SORBS2: variants seen among roughly 807,000 people sequenced by gnomAD.
SORBS2 encodes the protein sorbin and SH3 domain-containing protein 2.
SORBS2 carries 46 observed loss-of-function variants against 97.7 expected under a neutral mutation model. That is an observed-to-expected ratio of 0.47 (90% CI 0.37 to 0.60). The LOEUF is 0.60. Ranked by LOEUF, SORBS2 falls within the 20% of genes least tolerant of loss-of-function variation. SORBS2 has a pLI of 0.00. For missense variants in SORBS2, 1,316 were observed against 1,282.3 expected, an observed-to-expected ratio of 1.03 and a Z score of -0.40; for synonymous variants, 476 against 473.4, an observed-to-expected ratio of 1.01 and a Z score of -0.07.
At chr4:185,903,311 T>G (rs1054380615) in intron 1 of SORBS2, among the ~76,000 whole-genome samples, 2 of 152,184 alleles carry the variant, frequency 1.3e-5, no homozygotes, top group African/African-American at 4.8e-5. Flanking sequence ...AGATAATAAA[T>G]GTAAAGCATG....
rs1461198120 is a variant in SORBS2, at chr4:185,623,264, G to A, written c.1865C>T (p.Thr622Ile). Residue 622 changes from threonine to isoleucine, a missense_variant, in exon 7 of 15, where the codon ACT becomes ATT. Coordinates refer to ENST00000418609, the Ensembl canonical transcript of SORBS2. This position sits in a 1 kb window ranked among gnomAD's most constrained non-coding sequence, Gnocchi z 6.4. ...AGATGCTTTACATTTTGCCTTTTCA[G>A]TCTGTTTCTTAGGAGCCGAATTTTT... The A allele has an allele frequency of 1.9e-6, 3 of 1,614,030 alleles. No homozygotes were observed. Among genetic ancestry groups the A allele is most frequent in the Non-Finnish European group, 1.7e-6 (2 of 1,180,044 alleles).
rs534553017 is a variant in SORBS2 at position 185,874,540 on chromosome 4, T to C, written c.-338+81656A>G. On this transcript the variant is annotated intron_variant, in intron 1 of 20. Transcript: ENST00000284776. ...ACTTATGATTTCCAAATTTCTGTTG[T>C]AATTGACAAAATGCATTTTTAAGGT... is the stretch of plus-strand genomic sequence containing the variant. Among the ~76,000 whole-genome samples the C allele has an allele frequency of 4.2e-4, 64 of 152,346 alleles. No individual in the cohort carries two copies. The East Asian group carries it at 8.7e-3, about 21-fold the overall frequency.
At chr4:185,812,853 A>T (rs961687778) in intron 1 of SORBS2, 4 of 152,248 alleles carry the variant, frequency 2.6e-5, no homozygotes, top group Admixed American at 1.3e-4. Context: ...CTTCTACGGC[A>T]GAAAATGATT....
intron 2 of SORBS2, among the ~76,000 whole-genome samples, chr4:185,758,991 G>A (rs2098847242): frequency 6.6e-6 from 1 of 152,150 alleles, no homozygotes; most frequent in African/African-American, 2.4e-5. Flanking sequence ...ACCTTTTACT[G>A]TGTGTTCTGC....
At chr4:185,739,423 T>C (rs1413967777) in intron 2 of SORBS2, among the ~76,000 whole-genome samples, 1 of 152,216 alleles carries the variant, frequency 6.6e-6, no homozygotes, top group Non-Finnish European at 1.5e-5. Flanking sequence ...AAACTTAACA[T>C]TGGGCAACTT....
intron 12 of SORBS2, among the ~76,000 whole-genome samples, chr4:185,608,040 A>G (rs1021136460): frequency 2.6e-5 from 4 of 152,176 alleles, no homozygotes; most frequent in African/African-American, 4.8e-5. Context: ...AAAAGATATT[A>G]CAGGTTTCCA....
intron 2 of SORBS2, among the ~76,000 whole-genome samples, chr4:185,704,818 G>A (rs2098319537): frequency 6.6e-6 from 1 of 152,194 alleles, no homozygotes; most frequent in Non-Finnish European, 1.5e-5. Flanking sequence ...TGAAAGATAA[G>A]CATTTCTAGT....
chr4:185,777,946 T>C (rs1269887990), intron 1 of SORBS2, among the ~76,000 whole-genome samples: 1 of 152,206 alleles, frequency 6.6e-6, no homozygotes, highest in Non-Finnish European at 1.5e-5. Context: ...TAAAAATAGA[T>C]TAATGTTGTC....
chr4:185,925,411 T>G (rs934405339), intron 1 of SORBS2, among the ~76,000 whole-genome samples: 1 of 151,968 alleles, frequency 6.6e-6, no homozygotes, highest in African/African-American at 2.4e-5. Flanking sequence ...AATAGCACAT[T>G]TTTTTTCTAA....
At chr4:185,897,162 T>G (rs2099245449) in intron 1 of SORBS2, among the ~76,000 whole-genome samples, 1 of 152,158 alleles carries the variant, frequency 6.6e-6, no homozygotes, top group Admixed American at 6.5e-5. Flanking sequence ...CACAACCCCT[T>G]TGCCCCAGAG....
At chr4:185,738,657 T>C (rs2098703615) in intron 2 of SORBS2, among the ~76,000 whole-genome samples, 1 of 152,248 alleles carries the variant, frequency 6.6e-6, no homozygotes, top group Admixed American at 6.5e-5. Context: ...ACTTGCTCTA[T>C]CAGATTAAAC....
In SORBS2 at chr4:185,951,504, C is replaced by G. The variant is rs1458936292; in HGVS notation, c.-338+4692G>C. 3.9e-5 allele frequency among the ~76,000 whole-genome samples: 6 copies of G among 152,196 alleles called. No homozygotes were observed. In the East Asian group the frequency reaches 1.2e-3, roughly 29 times the overall value. ...GCAGATACTTCTGGTGTCCTTTGTACCTTTCTCAACAGCCCTCCCTGACAT... is the reference window on the plus strand; with the variant it reads ...GCAGATACTTCTGGTGTCCTTTGTAGCTTTCTCAACAGCCCTCCCTGACAT... On this transcript the variant is annotated intron_variant, in intron 1 of 20. Coordinates refer to the SORBS2 transcript ENST00000284776.
At chr4:185,795,508 G>A (rs2099100725) in intron 1 of SORBS2, among the ~76,000 whole-genome samples, 1 of 152,032 alleles carries the variant, frequency 6.6e-6, no homozygotes, top group South Asian at 2.1e-4. Context: ...GTGGCTCCCG[G>A]GCACCTGCCT....
chr4:185,621,844 A>C (rs1405921637), intron 7 of SORBS2, among the ~76,000 whole-genome samples: 1 of 152,084 alleles, frequency 6.6e-6, no homozygotes, highest in Non-Finnish European at 1.5e-5. Context: ...CCTTGGACGA[A>C]TTTCCTTTCC....
At chr4:185,659,588 T>G (rs2097481100), upstream of SORBS2, among the ~76,000 whole-genome samples, 1 of 151,450 alleles carries the variant, frequency 6.6e-6, no homozygotes, top group Admixed American at 6.6e-5. Flanking sequence ...AGCTAATTTT[T>G]TTTTTTGTAT....
intron 2 of SORBS2, among the ~76,000 whole-genome samples, chr4:185,737,776 A>G (rs138744089): frequency 2.6e-5 from 4 of 152,338 alleles, no homozygotes; most frequent in Non-Finnish European, 4.4e-5. Flanking sequence ...CCGTCTAAAG[A>G]TCGAGACCTC....
intron 2 of SORBS2, among the ~76,000 whole-genome samples, chr4:185,769,131 T>C (rs764950691): frequency 6.6e-6 from 1 of 151,860 alleles, no homozygotes; most frequent in African/African-American, 2.4e-5. Context: ...CAAAGGCACA[T>C]GGGAGACTGG....
chr4:185,646,878 T>A, intron 3 of SORBS2, 96 bp from the exon 13 acceptor site: 3 of 719,486 alleles, frequency 4.2e-6, no homozygotes, highest in Admixed American at 2.5e-5. Flanking sequence ...ACTTTTAGCA[T>A]AGTTTTAAAA....
intron 1 of SORBS2, among the ~76,000 whole-genome samples, chr4:185,929,275 C>T (rs10013254): frequency 0.28 from 42,053 of 151,978 alleles, 6,091 homozygotes; most frequent in South Asian, 0.33. Flanking sequence ...CTTCCACAAG[C>T]GCTGAAGGAA....
Sources: gnomAD v4.1 joint callset for allele counts (sites outside exome capture counted in the v4.1 genomes callset) on GRCh38, gnomAD v4.1.1 for gene constraint, Gnocchi (gnomAD v3.1) non-coding constraint, MANE v1.5 for transcripts, NCBI Gene and HGNC (gene_info 2026-07-23, HGNC 2026-07-21) for gene names.